The following DIS3L2 variants were observed in gnomAD, a reference collection of about 807,000 sequenced individuals.
The protein encoded by DIS3L2 is DIS3-like exonuclease 2.
In DIS3L2, 34 loss-of-function variants were observed where a neutral mutation model predicts 97.5. The observed-to-expected ratio is 0.35, with a 90% confidence interval of 0.27 to 0.46. DIS3L2 has a LOEUF of 0.46. Ranked by LOEUF, DIS3L2 falls within the 20% of genes least tolerant of loss-of-function variation. DIS3L2 has a pLI of 1.00. For synonymous variants in DIS3L2, 435 were observed against 445.2 expected, an observed-to-expected ratio of 0.98 and a Z score of 0.29; for missense variants, 1,038 against 1,146.0, an observed-to-expected ratio of 0.91 and a Z score of 1.36.
intron 13 of DIS3L2, among the ~76,000 whole-genome samples, chr2:232,267,338 A>G (rs111391166): frequency 3.4e-4 from 52 of 152,348 alleles, no homozygotes; most frequent in Middle Eastern, 6.8e-3. Context: ...CTACAGTTCA[A>G]CCTAGTTCTA....
At chr2:232,340,316 G>A (rs993835904), downstream of DIS3L2, among the ~76,000 whole-genome samples, 2 of 152,186 alleles carry the variant, frequency 1.3e-5, no homozygotes, top group Non-Finnish European at 2.9e-5. Flanking sequence ...CCTGCACCAC[G>A]GGACCCCCAG....
downstream of DIS3L2, chr2:232,337,249 G>A (rs931029558): frequency 6.4e-6 from 6 of 941,308 alleles, no homozygotes; most frequent in Non-Finnish European, 7.5e-6. Context: ...GAATGTGACT[G>A]TGTCCAACCC....
chr2:232,220,889 T>C (rs965161444), intron 10 of DIS3L2, among the ~76,000 whole-genome samples: 3 of 151,154 alleles, frequency 2.0e-5, no homozygotes, highest in Admixed American at 6.6e-5. Flanking sequence ...GATCACCTGA[T>C]GTCAGGAGTT....
At chr2:231,971,296 C>T (rs895054657) in intron 1 of DIS3L2, among the ~76,000 whole-genome samples, 35 of 149,778 alleles carry the variant, frequency 2.3e-4, no homozygotes, top group African/African-American at 8.0e-4. Context: ...GAGACAGAGT[C>T]TCAGTCTTTC....
intron 5 of DIS3L2, among the ~76,000 whole-genome samples, chr2:232,062,502 A>ATT (rs1695740581): frequency 1.3e-5 from 2 of 152,164 alleles, no homozygotes; most frequent in African/African-American, 4.8e-5. Context: ...ATTATTGTTC[A>ATT]AACTGCCCCT....
chr2:232,299,300 C>T (rs549053374), intron 13 of DIS3L2, among the ~76,000 whole-genome samples: 1 of 152,334 alleles, frequency 6.6e-6, no homozygotes, highest in African/African-American at 2.4e-5. Flanking sequence ...TGCACTGTAG[C>T]CAGAGGGGTC....
intron 12 of DIS3L2, among the ~76,000 whole-genome samples, chr2:232,255,769 G>A (rs1390462532): frequency 6.6e-6 from 1 of 152,112 alleles, no homozygotes; most frequent in East Asian, 1.9e-4. Context: ...TGCTGTACAG[G>A]ATTAGTCAGG....
intron 6 of DIS3L2, among the ~76,000 whole-genome samples, chr2:232,098,570 T>G (rs979427143): frequency 6.6e-6 from 1 of 152,160 alleles, no homozygotes; most frequent in African/African-American, 2.4e-5. Flanking sequence ...GCCAAGCTGG[T>G]CTCGAACTCC....
At chr2:232,004,186 C>A (rs570156652) in intron 1 of DIS3L2, among the ~76,000 whole-genome samples, 24 of 152,120 alleles carry the variant, frequency 1.6e-4, no homozygotes, top group African/African-American at 5.5e-4. Context: ...AATTCTCATG[C>A]CTCACCCTCC....
At chr2:232,132,996 C>G (rs1574899900) in intron 7 of DIS3L2, among the ~76,000 whole-genome samples, 1 of 152,220 alleles carries the variant, frequency 6.6e-6, no homozygotes, top group African/African-American at 2.4e-5. Context: ...GCTTCTTCAC[C>G]CAGAGACACC....
chr2:232,244,319 T>A (rs1185396377), intron 11 of DIS3L2, among the ~76,000 whole-genome samples: 1 of 151,746 alleles, frequency 6.6e-6, no homozygotes, highest in Non-Finnish European at 1.5e-5. Context: ...TGGGGAGACA[T>A]GGGTGTGGTG....
intron 5 of DIS3L2, among the ~76,000 whole-genome samples, chr2:232,049,370 A>G (rs775976030): frequency 1.2e-4 from 18 of 152,156 alleles, no homozygotes; most frequent in Non-Finnish European, 2.4e-4. Flanking sequence ...CATGTGTTAG[A>G]AACATAATCT....
At chr2:232,086,282 C>T (rs930889325) in intron 5 of DIS3L2, among the ~76,000 whole-genome samples, 5 of 142,084 alleles carry the variant, frequency 3.5e-5, no homozygotes, top group African/African-American at 5.3e-5. Context: ...TATACATATA[C>T]GTATATATGT....
intron 10 of DIS3L2, among the ~76,000 whole-genome samples, chr2:232,228,722 G>C (rs569009803): frequency 2.2e-4 from 34 of 152,130 alleles, no homozygotes; most frequent in Admixed American, 1.0e-3. Flanking sequence ...AGGTGGCTGG[G>C]GTGGACATAG....
intron 1 of DIS3L2, among the ~76,000 whole-genome samples, chr2:231,973,795 A>G (rs1441450857): frequency 6.6e-6 from 1 of 152,208 alleles, no homozygotes; most frequent in Non-Finnish European, 1.5e-5. Context: ...GAGTTTAGTT[A>G]TGGCTTTTCC....
chr2:232,259,028 A>C (rs1693645751), intron 12 of DIS3L2, among the ~76,000 whole-genome samples: 1 of 152,178 alleles, frequency 6.6e-6, no homozygotes, highest in African/African-American at 2.4e-5. Context: ...GGCATAGTAG[A>C]TTCGGCTGCC....
intron 1 of DIS3L2, among the ~76,000 whole-genome samples, chr2:231,965,211 A>G (rs894893110): frequency 2.0e-5 from 3 of 152,186 alleles, no homozygotes; most frequent in Admixed American, 6.5e-5. Context: ...TTACTGTTTC[A>G]TTCATGCTCA....
intron 5 of DIS3L2, among the ~76,000 whole-genome samples, chr2:232,057,691 A>G (rs34159373): frequency 0.12 from 18,199 of 152,156 alleles, 1,460 homozygotes; most frequent in Middle Eastern, 0.18. Context: ...CAGCCTTGAG[A>G]TCACCACTAG....
intron 1 of DIS3L2, among the ~76,000 whole-genome samples, chr2:231,966,171 CTTT>C (rs59059695): frequency 1.1e-4 from 16 of 140,468 alleles, no homozygotes; most frequent in East Asian, 5.9e-4. Flanking sequence ...TCTTCTTCTT[CTTT>C]TTTTTTTTTT....
Sources: allele counts gnomAD v4.1 joint callset (sites outside exome capture counted in the v4.1 genomes callset), GRCh38; gene constraint gnomAD v4.1.1; transcripts MANE v1.5; gene names NCBI Gene and HGNC (gene_info 2026-07-23, HGNC 2026-07-21).